The following IQCM variants were observed in gnomAD, a reference collection of about 807,000 sequenced individuals.
The protein encoded by IQCM is IQ domain-containing protein M.
Under a neutral mutation model 57.6 loss-of-function variants are expected in IQCM, and 45 were observed. That is an observed-to-expected ratio of 0.78 (90% CI 0.62 to 1.00). The LOEUF is 1.00. Among genes scored for constraint, IQCM ranks in the 50% least tolerant of loss-of-function variants. The pLI is 0.00. For missense variants in IQCM, 468 were observed against 511.6 expected (o/e 0.91, Z 0.82); for synonymous variants, 148 against 158.9 (o/e 0.93, Z 0.51).
chr4:149,472,195 C>A (rs527682760), intron 12 of IQCM, among the ~76,000 whole-genome samples: 241 of 152,204 alleles, frequency 1.6e-3, no homozygotes, highest in Non-Finnish European at 2.8e-3. Flanking sequence ...CTGTTTGCAG[C>A]TGACATGGTT....
rs573956210 is a variant in IQCM, at chr4:149,459,894, C to CA, written c.1229-26338_1229-26337insT. ...GTTGCGAACGTGGGTTGAACAAATA[C>CA]CTTTTTAAGACCATGCTTTCAATTA... On this transcript the variant is annotated intron_variant, in intron 12 of 13. Transcript: ENST00000636793. 2.8e-3 allele frequency among the ~76,000 whole-genome samples: 428 copies of CA among 152,264 alleles called. 7 individuals are homozygous for CA. Among genetic ancestry groups the CA allele is most frequent in the African/African-American group, 9.8e-3 (406 of 41,552 alleles).
intron 7 of IQCM, among the ~76,000 whole-genome samples, chr4:149,622,029 T>A (rs1756384252): frequency 6.6e-6 from 1 of 152,216 alleles, no homozygotes; most frequent in Non-Finnish European, 1.5e-5. Flanking sequence ...ATCCATGGAC[T>A]GCTTAGTTTT....
At chr4:149,602,140 CTATT>C (rs780032988) in intron 8 of IQCM, among the ~76,000 whole-genome samples, 1 of 148,814 alleles carries the variant, frequency 6.7e-6, no homozygotes, top group African/African-American at 2.5e-5. Flanking sequence ...AGTATAAAAA[CTATT>C]TACATGCTAT....
At chr4:149,623,808 G>A (rs1199162830) in intron 7 of IQCM, among the ~76,000 whole-genome samples, 5 of 151,504 alleles carry the variant, frequency 3.3e-5, no homozygotes, top group African/African-American at 1.2e-4. Context: ...AGTCTTGTCA[G>A]TAATCCCAGT....
rs372245997 is a variant in IQCM, at chr4:149,746,792, T to C, written c.-48-4053A>G. Among the ~76,000 whole-genome samples, 9 of 152,336 alleles carry C rather than the reference T, an allele frequency of 5.9e-5. No homozygotes were observed. The East Asian group carries it at 1.5e-3, about 26-fold the overall frequency. The stretch of plus-strand genomic sequence containing the variant: ...TTTGTGTACTATGCTAAAAAATAGT[T>C]GGCTCCAAATCCAAGAAATCAACTG... On this transcript the variant is annotated intron_variant, in intron 2 of 13. Transcript: ENST00000636793.
intron 8 of IQCM, among the ~76,000 whole-genome samples, chr4:149,595,555 T>A (rs1039376902): frequency 2.0e-5 from 3 of 152,180 alleles, no homozygotes; most frequent in Non-Finnish European, 4.4e-5. Flanking sequence ...AACACTAGCA[T>A]TTGCCCTGAA....
chr4:149,745,560 G>A (rs756228831), intron 2 of IQCM, among the ~76,000 whole-genome samples: 7 of 152,100 alleles, frequency 4.6e-5, no homozygotes, highest in East Asian at 1.9e-4. Flanking sequence ...TCTCTGAAAC[G>A]GTTACAGGAA....
chr4:149,592,391 C>A (rs1753282322), intron 8 of IQCM, among the ~76,000 whole-genome samples: 1 of 152,068 alleles, frequency 6.6e-6, no homozygotes, highest in African/African-American at 2.4e-5. Context: ...CAAAACTTTT[C>A]TCCCATTCTG....
intron 5 of IQCM, among the ~76,000 whole-genome samples, chr4:149,692,107 G>A (rs1176888964): frequency 6.6e-6 from 1 of 152,140 alleles, no homozygotes; most frequent in African/African-American, 2.4e-5. Flanking sequence ...CCAATGAGAT[G>A]TGAGTACATG....
In IQCM at chr4:149,680,060, A is replaced by G. The variant is rs144225152; in HGVS notation, c.565+2058T>C. Among the ~76,000 whole-genome samples the G allele has an allele frequency of 2.6e-3, 393 of 151,580 alleles. 2 individuals carry two copies. The highest frequency in any genetic ancestry group is 9.0e-3 in the African/African-American group (375 of 41,502). ...AGATATTTCTAGCCTTACTTTAAAAATATGTAATTATAAAAGAATGTTGTG... is the reference window on the plus strand; with the variant it reads ...AGATATTTCTAGCCTTACTTTAAAAGTATGTAATTATAAAAGAATGTTGTG... On this transcript the variant is annotated intron_variant, in intron 7 of 13. Coordinates refer to ENST00000636793, the MANE Select transcript of IQCM (RefSeq NM_001363507.2).
intron 7 of IQCM, among the ~76,000 whole-genome samples, chr4:149,660,569 C>T (rs1760093777): frequency 6.6e-6 from 1 of 152,204 alleles, no homozygotes; most frequent in Non-Finnish European, 1.5e-5. Flanking sequence ...ATAGCAAAGT[C>T]TTGGAACCAA....
At chr4:149,584,122 T>C (rs1294248800) in intron 9 of IQCM, among the ~76,000 whole-genome samples, 2 of 151,580 alleles carry the variant, frequency 1.3e-5, no homozygotes, top group Non-Finnish European at 3.0e-5. Flanking sequence ...CAAATAGATA[T>C]TTTATTTAAA....
In IQCM at chr4:149,351,802, A is replaced by C; in HGVS notation, c.*149T>G. The C allele has an allele frequency of 2.6e-6, 1 of 382,870 alleles. No individual in the cohort carries two copies. Among genetic ancestry groups the C allele is most frequent in the Non-Finnish European group, 4.6e-6 (1 of 218,552 alleles). 23.7% of individuals were successfully genotyped at this position (382,870 alleles called of 1,614,324 possible). On this transcript the variant is annotated 3_prime_UTR_variant, in exon 14 of 14. Coordinates refer to ENST00000636793, the MANE Select transcript of IQCM (RefSeq NM_001363507.2). ...ATGGTGTTCATCCAAAAATACTAGA[A>C]ATTATAGATAAACTTGTCAAAGTTC...
intron 13 of IQCM, among the ~76,000 whole-genome samples, chr4:149,366,038 G>T (rs1423716284): frequency 2.6e-5 from 4 of 152,070 alleles, no homozygotes; most frequent in Non-Finnish European, 5.9e-5. Context: ...GTTAATAGGA[G>T]AAGTAGGGGA....
chr4:149,798,703 T>C (rs747656502), intron 2 of IQCM, among the ~76,000 whole-genome samples: 3 of 152,068 alleles, frequency 2.0e-5, no homozygotes, highest in Non-Finnish European at 4.4e-5. Flanking sequence ...ACTATACTTA[T>C]ATCAGACAAA....
intron 13 of IQCM, among the ~76,000 whole-genome samples, chr4:149,424,301 C>A (rs1734320108): frequency 6.6e-6 from 1 of 151,646 alleles, no homozygotes; most frequent in South Asian, 2.1e-4. Context: ...TAAACATATT[C>A]TTTTTGTCAT....
intron 7 of IQCM, among the ~76,000 whole-genome samples, chr4:149,648,489 G>A (rs1281471294): frequency 6.6e-6 from 1 of 152,174 alleles, no homozygotes; most frequent in Non-Finnish European, 1.5e-5. Context: ...TGTGAAAAGT[G>A]CCGTAATAAA....
chr4:149,370,472 C>T (rs1161754939), intron 13 of IQCM, among the ~76,000 whole-genome samples: 3 of 151,832 alleles, frequency 2.0e-5, no homozygotes, highest in Non-Finnish European at 4.4e-5. Flanking sequence ...TTGTCCTCCT[C>T]CGCCCAGAGG....
chr4:149,565,286 T>C (rs574169199), intron 9 of IQCM, among the ~76,000 whole-genome samples: 13 of 152,290 alleles, frequency 8.5e-5, no homozygotes, highest in Non-Finnish European at 1.6e-4. Flanking sequence ...TTTTATTTAA[T>C]TTTTATGTTA....
Sources: gnomAD v4.1 joint callset for allele counts (sites outside exome capture counted in the v4.1 genomes callset) on GRCh38, gnomAD v4.1.1 for gene constraint, MANE v1.5 for transcripts, NCBI Gene and HGNC (gene_info 2026-07-23, HGNC 2026-07-21) for gene names.